The following SDK2 variants were observed in gnomAD, a reference collection of about 807,000 sequenced individuals.
The protein encoded by SDK2 is sidekick cell adhesion molecule 2.
In SDK2, 105 loss-of-function variants were observed where a neutral mutation model predicts 253.9. The observed-to-expected ratio is 0.41, with a 90% CI of 0.35 to 0.49. The LOEUF is 0.49. Among genes scored for constraint, SDK2 ranks in the 20% least tolerant of loss-of-function variants. The probability of loss-of-function intolerance (pLI) is 0.06; values close to 1 mark genes in which losing one functional copy is unlikely to be tolerated. For missense variants in SDK2, 2,608 were observed against 3,003.0 expected, an observed-to-expected ratio of 0.87 and a Z score of 3.07; for synonymous variants, 1,249 against 1,234.9, an observed-to-expected ratio of 1.01 and a Z score of -0.24.
At chr17:73,545,532 C>G (rs1012683742) in intron 1 of SDK2, among the ~76,000 whole-genome samples, 3 of 152,140 alleles carry the variant, frequency 2.0e-5, no homozygotes, top group Non-Finnish European at 4.4e-5. Context: ...CTAAACATGC[C>G]CTGCCGCAAG....
chr17:73,367,453 C>G (rs1405379807), intron 37 of SDK2, among the ~76,000 whole-genome samples: 1 of 152,108 alleles, frequency 6.6e-6, no homozygotes, highest in African/African-American at 2.4e-5. Context: ...CTGCCTGGAG[C>G]CCCCAGCACC....
intron 1 of SDK2, among the ~76,000 whole-genome samples, chr17:73,614,104 C>A (rs2046015942): frequency 6.6e-6 from 1 of 151,990 alleles, no homozygotes; most frequent in African/African-American, 2.4e-5. Flanking sequence ...CCAGCCCTCG[C>A]TCCCTCCCCC....
intron 2 of SDK2, among the ~76,000 whole-genome samples, chr17:73,498,007 A>G (rs928328275): frequency 1.3e-5 from 2 of 152,150 alleles, no homozygotes; most frequent in African/African-American, 4.8e-5. Context: ...CTGGGTCCCA[A>G]CTTCCCCAGT....
chr17:73,472,446 T>C (rs1469120273), intron 2 of SDK2, among the ~76,000 whole-genome samples: 1 of 152,212 alleles, frequency 6.6e-6, no homozygotes. Flanking sequence ...GCCTGGGAAT[T>C]AGCCTGCCCT....
chr17:73,536,889 A>G (rs1258077891), intron 1 of SDK2, among the ~76,000 whole-genome samples: 6 of 152,184 alleles, frequency 3.9e-5, no homozygotes, highest in Admixed American at 3.9e-4. Flanking sequence ...TGAGTAACTA[A>G]TCCCCCTAAT....
intron 43 of SDK2, 23 bp downstream of exon 43, chr17:73,350,213 CA>C (rs869082711): frequency 3.9e-6 from 6 of 1,534,728 alleles, no homozygotes; most frequent in Admixed American, 2.1e-5. Flanking sequence ...GCCTGGCCCC[CA>C]ACCCACGCAG....
intron 1 of SDK2, among the ~76,000 whole-genome samples, chr17:73,563,302 A>AGT (rs2045265624): frequency 6.6e-6 from 1 of 152,270 alleles, no homozygotes; most frequent in African/African-American, 2.4e-5. Flanking sequence ...GGCTGGGTGC[A>AGT]GTGACTTACA....
At chr17:73,553,661 G>C (rs1018541790) in intron 1 of SDK2, among the ~76,000 whole-genome samples, 7 of 151,994 alleles carry the variant, frequency 4.6e-5, no homozygotes, top group African/African-American at 1.7e-4. Flanking sequence ...CTCCTTCCTC[G>C]GGCCTACACC....
chr17:73,337,875 A>T lies in SDK2; in HGVS notation c.*712T>A, dbSNP rs1038944534. ...CTCTCTTCCTTGGATTCAATATTTT[A>T]AAAAATATGCAGGAACAAGGAAGGC... On this transcript the variant is annotated 3_prime_UTR_variant, in exon 45 of 45. Transcript: ENST00000392650. 1 of 152,310 alleles carries T rather than the reference A, an allele frequency of 6.6e-6. No individual in the cohort carries two copies. Among genetic ancestry groups the T allele is most frequent in the African/African-American group, 2.4e-5 (1 of 41,430 alleles). The allele number at this position is 152,310 out of a possible 1,614,324, so 9.4% of individuals were successfully genotyped here.
intron 1 of SDK2, among the ~76,000 whole-genome samples, chr17:73,524,001 G>A (rs2064105061): frequency 6.6e-6 from 1 of 152,142 alleles, no homozygotes; most frequent in South Asian, 2.1e-4. Flanking sequence ...ATTGAGCAAG[G>A]GAATGAATGA....
At chr17:73,516,331 C>G (rs2064026866) in intron 1 of SDK2, among the ~76,000 whole-genome samples, 1 of 152,216 alleles carries the variant, frequency 6.6e-6, no homozygotes, top group Non-Finnish European at 1.5e-5. Flanking sequence ...GCTGCTGTGG[C>G]CCTGTTCGGC....
In SDK2 at chr17:73,642,380, G is replaced by A. The variant is rs749018962; in HGVS notation, c.64+1645C>T. Among the ~76,000 whole-genome samples, 1 of 152,228 alleles carries A rather than the reference G, an allele frequency of 6.6e-6. No homozygotes were observed. ...GGGTCCAGACAGATGCTGGCATCCC[G>A]TCCCTCCACGCCGTCCAGGCTTTTG... On this transcript the variant is annotated intron_variant, in intron 1 of 44. Coordinates refer to ENST00000392650, the MANE Select transcript of SDK2 (RefSeq NM_001144952.2). The surrounding 1 kb of genome is among the most constrained non-coding windows in gnomAD (Gnocchi z 4.7).
At position 73,361,918 on chromosome 17, in the gene SDK2, A is replaced by AG; in HGVS notation, c.5306-74dup. On this transcript the variant is annotated intron_variant, in intron 38 of 44. Transcript: ENST00000392650. The surrounding 1 kb of genome is among the most constrained non-coding windows in gnomAD (Gnocchi z 4.1). The stretch of plus-strand genomic sequence containing the variant: ...GCACTGGAGGCCATGGGGAAGGGGA[A>AG]GCGGCCGTGGCCTGGGCCCCGGGAC... 6.9e-7 allele frequency: 1 copy of AG among 1,456,438 alleles called. No homozygotes were observed. The allele number at this position is 1,456,438 out of a possible 1,614,324, so 90.2% of individuals were successfully genotyped here. A position where few individuals can be genotyped will look rare whatever the true frequency, so the allele number is the denominator to read the frequency against.
intron 27 of SDK2, 57 bp downstream of exon 27, chr17:73,393,503 C>T: frequency 6.9e-7 from 1 of 1,449,248 alleles, no homozygotes; most frequent in Non-Finnish European, 9.2e-7. Flanking sequence ...GCCAGATGGG[C>T]AGGAGGAAGG....
intron 1 of SDK2, among the ~76,000 whole-genome samples, chr17:73,542,673 C>T (rs113923372): frequency 1.3e-4 from 20 of 152,170 alleles, no homozygotes; most frequent in Non-Finnish European, 2.1e-4. Flanking sequence ...GGGCCAGCCA[C>T]GGAGAGGCAG....
chr17:73,431,644 A>G lies in SDK2; in HGVS notation c.1338T>C (p.Ser446=), dbSNP rs139041166. The change falls in exon 11 of 45, where the codon TCT becomes TCC. Residue 446 remains serine, a synonymous_variant. Coordinates refer to ENST00000392650, the MANE Select transcript of SDK2 (RefSeq NM_001144952.2). The surrounding 1 kb of genome is among the most constrained non-coding windows in gnomAD (Gnocchi z 5.6). ...QKGERILASG[S]VQLPRFTPLE... ...GGGGTGTGAAGCGAGGCAGCTGCAC[A>G]GAGCCACTGGCCAAGATGCGCTCCC... The G allele has an allele frequency of 1.2e-6, 2 of 1,611,258 alleles. No individual in the cohort carries two copies. The highest frequency in any genetic ancestry group is 1.7e-6 in the Non-Finnish European group (2 of 1,178,706).
intron 2 of SDK2, among the ~76,000 whole-genome samples, chr17:73,500,571 CT>C (rs2063882286): frequency 6.6e-6 from 1 of 150,496 alleles, no homozygotes; most frequent in Admixed American, 6.6e-5. Context: ...TCCATCCTCC[CT>C]CTGTTCTCCT....
At chr17:73,506,517 T>C (rs2063936906) in intron 2 of SDK2, among the ~76,000 whole-genome samples, 1 of 152,190 alleles carries the variant, frequency 6.6e-6, no homozygotes, top group Non-Finnish European at 1.5e-5. Context: ...AGGCTGGTTC[T>C]CCAGAAGGAC....
Position 73,509,321 on chromosome 17 carries a change from C to G in SDK2, c.65-1724G>C, listed in dbSNP as rs77389029. Among the ~76,000 whole-genome samples the G allele has an allele frequency of 3.2e-3, 492 of 152,310 alleles. 1 individual carries two copies. The highest frequency in any genetic ancestry group is 0.011 in the African/African-American group (475 of 41,574). On this transcript the variant is annotated intron_variant, in intron 1 of 44. Coordinates refer to ENST00000392650, the MANE Select transcript of SDK2 (RefSeq NM_001144952.2). The stretch of plus-strand genomic sequence containing the variant: ...CTGTGCCCGGCCCAGAGTACATGTT[C>G]TGCCAATGTTCATTTCCTTCCTGAA...
Sources: allele counts gnomAD v4.1 joint callset (sites outside exome capture counted in the v4.1 genomes callset), GRCh38; gene constraint gnomAD v4.1.1; non-coding constraint Gnocchi (gnomAD v3.1); transcripts MANE v1.5; gene names NCBI Gene and HGNC (gene_info 2026-07-23, HGNC 2026-07-21).